The following TYW1 variants were observed in gnomAD, a reference collection of about 807,000 sequenced individuals.
TYW1 encodes tRNA-yW synthesizing protein 1 homolog.
A neutral mutation model predicts 96.2 loss-of-function variants in TYW1; 46 were observed. That is an observed-to-expected ratio of 0.48 (90% confidence interval 0.38 to 0.61). TYW1 has a LOEUF of 0.61. Ranked by LOEUF, TYW1 falls within the 20% of genes least tolerant of loss-of-function variation. The pLI is 0.00. For missense variants in TYW1, 684 were observed against 909.6 expected (o/e 0.75, Z 3.19); for synonymous variants, 274 against 323.0 (o/e 0.85, Z 1.63).
chr7:67,220,861 C>G (rs560626023), intron 15 of TYW1, among the ~76,000 whole-genome samples: 1 of 152,130 alleles, frequency 6.6e-6, no homozygotes, highest in Non-Finnish European at 1.5e-5. Flanking sequence ...CCTCAGCCCC[C>G]CGAGTAGCTG....
chr7:67,039,145 G>A (rs997463843), intron 7 of TYW1, among the ~76,000 whole-genome samples: 1 of 152,076 alleles, frequency 6.6e-6, no homozygotes, highest in Non-Finnish European at 1.5e-5. Context: ...TTTGAAGCCC[G>A]GGAAGAGGAG....
At chr7:67,020,088 A>G (rs1794192755) in intron 6 of TYW1, among the ~76,000 whole-genome samples, 2 of 152,302 alleles carry the variant, frequency 1.3e-5, no homozygotes, top group Non-Finnish European at 2.9e-5. Context: ...TAAGTTAAAG[A>G]GCTTACAGCC....
intron 11 of TYW1, among the ~76,000 whole-genome samples, chr7:67,085,503 G>A (rs537741044): frequency 6.6e-6 from 1 of 152,202 alleles, no homozygotes; most frequent in South Asian, 2.1e-4. Flanking sequence ...GGCCTCCCCA[G>A]CCATGCTGAA....
chr7:67,023,239 G>T (rs1794337125), intron 6 of TYW1, among the ~76,000 whole-genome samples: 2 of 152,002 alleles, frequency 1.3e-5, no homozygotes, highest in Admixed American at 6.6e-5. Context: ...TGGGACTACA[G>T]GCGCATGCCA....
intron 15 of TYW1, among the ~76,000 whole-genome samples, chr7:67,225,316 G>T (rs1307897238): frequency 6.6e-6 from 1 of 152,108 alleles, no homozygotes. Context: ...CACAGACAAG[G>T]TAGGGAAGGT....
At chr7:67,218,626 T>C (rs966158152) in intron 15 of TYW1, among the ~76,000 whole-genome samples, 1 of 152,208 alleles carries the variant, frequency 6.6e-6, no homozygotes, top group African/African-American at 2.4e-5. Flanking sequence ...GTGTTGGGAT[T>C]ACAGGCATGA....
At chr7:67,163,451 A>G (rs1451910659) in intron 13 of TYW1, among the ~76,000 whole-genome samples, 1 of 152,042 alleles carries the variant, frequency 6.6e-6, no homozygotes, top group East Asian at 1.9e-4. Flanking sequence ...TCCTTCACAC[A>G]GATGATATCT....
intron 12 of TYW1, among the ~76,000 whole-genome samples, chr7:67,100,296 T>G (rs1797046037): frequency 6.6e-6 from 1 of 152,132 alleles, no homozygotes; most frequent in Non-Finnish European, 1.5e-5. Flanking sequence ...TGTGTCATAC[T>G]GGGACTAGGC....
intron 12 of TYW1, among the ~76,000 whole-genome samples, chr7:67,100,737 G>A (rs1358766214): frequency 6.6e-6 from 1 of 151,052 alleles, no homozygotes; most frequent in Non-Finnish European, 1.5e-5. Context: ...GGTGGCAGTT[G>A]TCTGTAGTCC....
intron 13 of TYW1, among the ~76,000 whole-genome samples, chr7:67,131,446 C>G (rs530431925): frequency 2.6e-5 from 4 of 152,270 alleles, no homozygotes; most frequent in Non-Finnish European, 5.9e-5. Context: ...CATTTGCAGT[C>G]TCTGTGGACC....
chr7:67,178,796 A>G (rs1471562416), intron 13 of TYW1, among the ~76,000 whole-genome samples: 1 of 150,500 alleles, frequency 6.6e-6, no homozygotes, highest in Admixed American at 6.6e-5. Flanking sequence ...ATTCACTGGG[A>G]GGAGCAGAAG....
rs138364600 is a variant in TYW1, at chr7:67,015,701, G to A, written c.570+1140G>A. 8.4e-3 allele frequency among the ~76,000 whole-genome samples: 1,274 copies of A among 152,174 alleles called. 9 individuals carry two copies. Among genetic ancestry groups the A allele is most frequent in the African/African-American group, 0.029 (1,200 of 41,536 alleles). On this transcript the variant is annotated intron_variant, in intron 5 of 15. Coordinates refer to ENST00000359626, the MANE Select transcript of TYW1 (RefSeq NM_018264.4). ...TTTTTGGCTGGGCATGGTGGCTCAC[G>A]CCTGTAATCCCAGCACTTTGGGAGG...
At chr7:67,235,371 T>C (rs1418871107) in intron 15 of TYW1, among the ~76,000 whole-genome samples, 3 of 152,234 alleles carry the variant, frequency 2.0e-5, no homozygotes, top group Admixed American at 6.5e-5. Flanking sequence ...GGATGGATCA[T>C]GATTTTTGGC....
chr7:67,060,696 T>C (rs568025831), intron 9 of TYW1, among the ~76,000 whole-genome samples: 2 of 152,350 alleles, frequency 1.3e-5, no homozygotes, highest in African/African-American at 4.8e-5. Context: ...CTATTGATTA[T>C]AAAATTTCAA....
intron 15 of TYW1, among the ~76,000 whole-genome samples, chr7:67,230,425 G>A (rs1223297182): frequency 3.3e-5 from 5 of 149,268 alleles, no homozygotes; most frequent in African/African-American, 1.0e-4. Context: ...AATTCTACAT[G>A]GACAGTTAAA....
rs528715635 is a variant in TYW1, at chr7:67,075,405, T to C, written c.1274+8002T>C. The stretch of plus-strand genomic sequence containing the variant: ...TAACCCAAAAAATCTTGTTAGACAG[T>C]TCTCCAAAGAAGATATACAAATGAC... On this transcript the variant is annotated intron_variant, in intron 10 of 15. Coordinates refer to ENST00000359626, the MANE Select transcript of TYW1 (RefSeq NM_018264.4). Among the ~76,000 whole-genome samples the C allele has an allele frequency of 5.3e-5, 8 of 152,290 alleles. No homozygotes were observed. In the East Asian group the frequency reaches 9.6e-4, roughly 18 times the overall value.
At chr7:67,192,052 C>T (rs1331890352) in intron 14 of TYW1, among the ~76,000 whole-genome samples, 12 of 151,562 alleles carry the variant, frequency 7.9e-5, no homozygotes, top group African/African-American at 2.4e-4. Context: ...GGCACCACCA[C>T]GCCCAGCCAA....
chr7:67,168,531 A>G (rs142568423), intron 13 of TYW1, among the ~76,000 whole-genome samples: 1,778 of 152,172 alleles, frequency 0.012, 17 homozygotes, highest in Middle Eastern at 0.027. Flanking sequence ...CTGTTTATCA[A>G]TTTTATTAAG....
At chr7:67,048,757 C>CT (rs1795268688) in intron 7 of TYW1, among the ~76,000 whole-genome samples, 1 of 152,216 alleles carries the variant, frequency 6.6e-6, no homozygotes. Context: ...TTAAGTGTTT[C>CT]TTTTTCTATC....
Sources: gnomAD v4.1 joint callset for allele counts (sites outside exome capture counted in the v4.1 genomes callset) on GRCh38, gnomAD v4.1.1 for gene constraint, MANE v1.5 for transcripts, NCBI Gene and HGNC (gene_info 2026-07-23, HGNC 2026-07-21) for gene names.